The following EPC1 variants were observed in gnomAD, a reference collection of about 807,000 sequenced individuals.
The protein encoded by EPC1 is enhancer of polycomb homolog 1.
A neutral mutation model predicts 98.4 loss-of-function variants in EPC1; 12 were observed. The ratio of observed to expected loss-of-function variants is 0.12; its 90% CI spans 0.08 to 0.20. The LOEUF is 0.20. EPC1 is among the 10% of genes least tolerant of loss of function. EPC1 has a pLI of 1.00. For synonymous variants in EPC1, 357 were observed against 363.9 expected (o/e 0.98, Z 0.21); for missense variants, 729 against 990.5 (o/e 0.74, Z 3.54).
intron 1 of EPC1, among the ~76,000 whole-genome samples, chr10:32,372,955 C>T (rs1488096824): frequency 3.3e-5 from 5 of 152,276 alleles, no homozygotes; most frequent in Admixed American, 1.3e-4. Flanking sequence ...ACCCGGGAGG[C>T]GGAGGTTGCA....
At chr10:32,318,911 T>C (rs1176951351) in intron 1 of EPC1, among the ~76,000 whole-genome samples, 6 of 152,202 alleles carry the variant, frequency 3.9e-5, no homozygotes, top group African/African-American at 1.4e-4. Flanking sequence ...TTTGCCTCCC[T>C]GGTGAAATTC....
At chr10:32,354,242 C>T in intron 1 of EPC1, among the ~76,000 whole-genome samples, 1 of 152,032 alleles carries the variant, frequency 6.6e-6, no homozygotes, top group East Asian at 1.9e-4. Flanking sequence ...ACTTTATCTT[C>T]AATATGAAGT....
chr10:32,371,664 C>T (rs917750879), intron 1 of EPC1, among the ~76,000 whole-genome samples: 4 of 152,044 alleles, frequency 2.6e-5, no homozygotes, highest in Admixed American at 6.6e-5. Context: ...TTTGGGAGGC[C>T]GAGGCGGGTG....
In EPC1 at chr10:32,271,746, A is replaced by T; in HGVS notation, c.2177T>A (p.Val726Asp). 6.2e-7 allele frequency: 1 copy of T among 1,614,152 alleles called. No homozygotes were observed. The part of the protein sequence containing the change: ...VTAANSATTQ[V>D]LIGNNIRLTV... ...TAATCGAATGTTGTTCCCAATCAGA[A>T]CCTGAGTTGTTGCAGAATTGGCAGC... Residue 726 changes from valine (V) to aspartate (D), a missense_variant, in exon 13 of 14, where the codon GTT becomes GAT. Physicochemically the swap from Val to Asp is radical, Grantham distance 152. Coordinates refer to ENST00000319778, the MANE Select transcript of EPC1 (RefSeq NM_001272004.3).
chr10:32,270,899 C>T (rs1285941173), intron 13 of EPC1, among the ~76,000 whole-genome samples: 1 of 150,056 alleles, frequency 6.7e-6, no homozygotes, highest in East Asian at 2.0e-4. Flanking sequence ...TCAATTCTAC[C>T]TGTTTACATG....
At chr10:32,312,706 G>C (rs1479333757) in intron 1 of EPC1, among the ~76,000 whole-genome samples, 1 of 152,156 alleles carries the variant, frequency 6.6e-6, no homozygotes, top group African/African-American at 2.4e-5. Context: ...TGTTATGTGT[G>C]TATGTATATG....
intron 1 of EPC1, among the ~76,000 whole-genome samples, chr10:32,323,292 A>T (rs1047155851): frequency 2.0e-5 from 3 of 152,176 alleles, no homozygotes; most frequent in Non-Finnish European, 4.4e-5. Flanking sequence ...TTGTAATAGA[A>T]GTAGTGTCTT....
At chr10:32,346,203 C>G (rs374115670) in intron 1 of EPC1, among the ~76,000 whole-genome samples, 4 of 152,370 alleles carry the variant, frequency 2.6e-5, no homozygotes, top group African/African-American at 9.6e-5. Flanking sequence ...ACATGCCCGT[C>G]TGAGGCTCCA....
intron 1 of EPC1, among the ~76,000 whole-genome samples, chr10:32,364,313 C>T (rs924649019): frequency 5.9e-5 from 9 of 152,020 alleles, no homozygotes; most frequent in Admixed American, 2.0e-4. Flanking sequence ...GGCTTACAGG[C>T]ATGAGCTATT....
intron 1 of EPC1, among the ~76,000 whole-genome samples, chr10:32,316,204 A>G (rs1326611835): frequency 1.3e-5 from 2 of 152,188 alleles, no homozygotes; most frequent in African/African-American, 4.8e-5. Context: ...ACAACATCAC[A>G]TGATGGGGAG....
At chr10:32,279,909 C>T (rs1836309650) in intron 10 of EPC1, among the ~76,000 whole-genome samples, 1 of 152,126 alleles carries the variant, frequency 6.6e-6, no homozygotes, top group African/African-American at 2.4e-5. Context: ...CCCCAAAATT[C>T]CATATACACA....
At chr10:32,294,012 A>G (rs1834998282) in intron 2 of EPC1, among the ~76,000 whole-genome samples, 2 of 152,238 alleles carry the variant, frequency 1.3e-5, no homozygotes, top group African/African-American at 4.8e-5. Context: ...ATACACTAGA[A>G]GCCTATTAAG....
In EPC1 at chr10:32,301,038, A is replaced by ATATCTATCTATC. The variant is rs145962262; in HGVS notation, c.313+4722_313+4733dup. 1.0e-3 allele frequency among the ~76,000 whole-genome samples: 143 copies of ATATCTATCTATC among 143,106 alleles called. 1 individual carries two copies. The highest frequency in any genetic ancestry group is 2.4e-3 in the South Asian group (11 of 4,590). The allele number at this position is 143,106 out of a possible 152,430, so 93.9% of individuals were successfully genotyped here. A position where few individuals can be genotyped will look rare whatever the true frequency, so the allele number is the denominator to read the frequency against. On this transcript the variant is annotated intron_variant, in intron 2 of 13. Transcript: ENST00000319778. Reference sequence around the variant, plus strand: ...AGAGGAAAGAATTAGAAGCACATTTATATCTATCTATCTATCTATCTATCT... The same window carrying ATATCTATCTATC: ...AGAGGAAAGAATTAGAAGCACATTTATATCTATCTATCTATCTATCTATCTATCTATCTATCT...
At chr10:32,305,633 A>G (rs937004251) in intron 2 of EPC1, 139 bp downstream of exon 2, 3 of 494,726 alleles carry the variant, frequency 6.1e-6, no homozygotes, top group Non-Finnish European at 9.7e-6. Flanking sequence ...TAAAAGTTGA[A>G]AATGGACTCT....
At chr10:32,378,376 T>C (rs1199620668) in intron 1 of EPC1, 1 of 823,450 alleles carries the variant, frequency 1.2e-6, no homozygotes, top group Non-Finnish European at 1.9e-6. Flanking sequence ...CGTGCAGAGA[T>C]CAAAGCTAAA....
intron 1 of EPC1, among the ~76,000 whole-genome samples, chr10:32,344,023 A>AG (rs1838572082): frequency 6.6e-6 from 1 of 152,256 alleles, no homozygotes; most frequent in Non-Finnish European, 1.5e-5. Context: ...TTCAGGTTCT[A>AG]GGTTACAGTG....
At chr10:32,368,306 A>G (rs751279709) in intron 1 of EPC1, among the ~76,000 whole-genome samples, 3 of 152,108 alleles carry the variant, frequency 2.0e-5, no homozygotes, top group East Asian at 3.8e-4. Context: ...AGCTACTCTC[A>G]TGGACCTGTC....
intron 1 of EPC1, among the ~76,000 whole-genome samples, chr10:32,309,653 C>T (rs1334965085): frequency 5.4e-5 from 8 of 148,848 alleles, no homozygotes; most frequent in Non-Finnish European, 8.9e-5. Context: ...CCCAGGAGTT[C>T]GAGACCAGCC....
intron 1 of EPC1, among the ~76,000 whole-genome samples, chr10:32,328,893 C>T (rs1837468477): frequency 6.6e-6 from 1 of 152,210 alleles, no homozygotes; most frequent in Non-Finnish European, 1.5e-5. Context: ...GTTCACAGTT[C>T]TCCAGGTCAA....
Sources: gnomAD v4.1 joint callset for allele counts (sites outside exome capture counted in the v4.1 genomes callset) on GRCh38, gnomAD v4.1.1 for gene constraint, MANE v1.5 for transcripts, NCBI Gene and HGNC (gene_info 2026-07-23, HGNC 2026-07-21) for gene names.